Variants in HEPH observed in about 807,000 individuals in gnomAD.
The protein encoded by HEPH is hephaestin.
A neutral mutation model predicts 80.8 loss-of-function variants in HEPH; 69 were observed. The observed-to-expected ratio is 0.85, with a 90% CI of 0.70 to 1.04. The LOEUF (loss-of-function observed/expected upper bound fraction) is 1.04. Ranked by LOEUF, HEPH falls within the 50% of genes least tolerant of loss-of-function variation. The pLI is 0.00. For synonymous variants in HEPH, 431 were observed against 322.8 expected, an observed-to-expected ratio of 1.34 and a Z score of -3.60; for missense variants, 1,115 against 891.3, an observed-to-expected ratio of 1.25 and a Z score of -3.20.
chrX:66,186,984 C>T (rs1199636998), intron 4 of HEPH, among the ~76,000 whole-genome samples: 1 of 110,979 alleles, frequency 9.0e-6, no homozygotes, highest in Non-Finnish European at 1.9e-5. Context: ...TCTTCAGACT[C>T]TGAATTTTTT....
Position 66,214,166 on chromosome X carries a change from G to A in HEPH, c.2563+5920G>A, listed in dbSNP as rs967825348. ...CATCAGCATGTAGATGATATTTAAA[G>A]TGATAATATGGATGAGATCACTCAA... is the stretch of plus-strand genomic sequence containing the variant. On this transcript the variant is annotated intron_variant, in intron 15 of 20. Coordinates refer to ENST00000343002, the MANE Select transcript of HEPH (RefSeq NM_001367233.3). Among the ~76,000 whole-genome samples, 3 of 111,749 alleles carry A rather than the reference G, an allele frequency of 2.7e-5. No homozygotes were observed. The Admixed American group carries it at 2.9e-4, about 11-fold the overall frequency.
At chrX:66,203,262 A>G (rs1203177315) in intron 12 of HEPH, 102 bp from the exon 13 acceptor site, 3 of 647,408 alleles carry the variant, frequency 4.6e-6, no homozygotes, top group Non-Finnish European at 7.2e-6. Context: ...GACTATCTGA[A>G]ACTAACTCTT....
intron 19 of HEPH, among the ~76,000 whole-genome samples, chrX:66,261,805 C>A: frequency 8.9e-6 from 1 of 112,077 alleles, no homozygotes; most frequent in East Asian, 2.8e-4. Context: ...TGCTAGAATG[C>A]AGCTTCCACT....
intron 15 of HEPH, among the ~76,000 whole-genome samples, chrX:66,220,037 C>T (rs980501340): frequency 2.7e-5 from 3 of 111,373 alleles, no homozygotes; most frequent in South Asian, 3.8e-4. Context: ...AAGTCCTTTC[C>T]GACTCTTGCT....
At chrX:66,190,985 T>C (rs2087758527) in intron 6 of HEPH, among the ~76,000 whole-genome samples, 2 of 112,120 alleles carry the variant, frequency 1.8e-5, no homozygotes, top group Non-Finnish European at 3.8e-5. Flanking sequence ...ATAAATCATT[T>C]CACTTCTCTG....
intron 15 of HEPH, among the ~76,000 whole-genome samples, chrX:66,235,515 G>A (rs1238057459): frequency 9.0e-6 from 1 of 111,215 alleles, no homozygotes; most frequent in Non-Finnish European, 1.9e-5. Context: ...GATAGTTGTA[G>A]GTATGTGGCC....
At chrX:66,252,644 C>T (rs1336335588) in intron 15 of HEPH, among the ~76,000 whole-genome samples, 1 of 111,131 alleles carries the variant, frequency 9.0e-6, no homozygotes, top group African/African-American at 3.3e-5. Flanking sequence ...TATGGCATAG[C>T]CAAAACAATG....
chrX:66,213,635 T>C (rs1487123655), intron 15 of HEPH, among the ~76,000 whole-genome samples: 3 of 111,534 alleles, frequency 2.7e-5, no homozygotes, highest in Non-Finnish European at 5.6e-5. Context: ...GTATGCAAAG[T>C]TCATTTGGAA....
At chrX:66,218,629 A>G (rs2089500161) in intron 15 of HEPH, among the ~76,000 whole-genome samples, 1 of 111,700 alleles carries the variant, frequency 9.0e-6, no homozygotes, top group South Asian at 3.8e-4. Context: ...TGAGAGCTTC[A>G]GCAAGACTCA....
intron 4 of HEPH, among the ~76,000 whole-genome samples, chrX:66,180,847 C>A (rs28878541): frequency 4.6e-5 from 3 of 64,853 alleles, no homozygotes; most frequent in African/African-American, 5.9e-5. Context: ...TCCCTCCCCC[C>A]TCCCCCGACC....
intron 9 of HEPH, 90 bp downstream of exon 9, chrX:66,195,319 G>C: frequency 1.3e-6 from 1 of 762,227 alleles, no homozygotes; most frequent in Non-Finnish European, 1.7e-6. Flanking sequence ...AGAGGATGAA[G>C]TAGGCAGAAT....
intron 6 of HEPH, among the ~76,000 whole-genome samples, chrX:66,190,857 A>C (rs187261120): frequency 9.0e-6 from 1 of 111,547 alleles, no homozygotes; most frequent in Non-Finnish European, 1.9e-5. Flanking sequence ...CCTAGGTAAG[A>C]GAGTATAAAT....
At chrX:66,175,924 T>G (rs892691925) in intron 4 of HEPH, among the ~76,000 whole-genome samples, 1 of 111,593 alleles carries the variant, frequency 9.0e-6, no homozygotes, top group Non-Finnish European at 1.9e-5. Context: ...GAGGAGTCTT[T>G]AGGGTTTTCA....
chrX:66,200,241 G>GTGT (rs1555992200), intron 11 of HEPH, among the ~76,000 whole-genome samples: 1 of 91,231 alleles, frequency 1.1e-5, no homozygotes, highest in African/African-American at 4.7e-5. Context: ...AGGAGAGATT[G>GTGT]GTGTGTGTGT....
chrX:66,207,966 C>G, intron 14 of HEPH, 149 bp from the exon 15 acceptor site: 1 of 399,584 alleles, frequency 2.5e-6, no homozygotes, highest in Middle Eastern at 7.1e-4. Flanking sequence ...TAAAATGGAG[C>G]CAGCCATGCC....
rs140633578 is a variant in HEPH, at chrX:66,231,088, G to A, written c.2563+22842G>A. Among the ~76,000 whole-genome samples, 712 of 109,311 alleles carry A rather than the reference G, an allele frequency of 6.5e-3. 8 individuals are homozygous for A. Among genetic ancestry groups the A allele is most frequent in the African/African-American group, 0.022 (670 of 29,970 alleles). The allele number at this position is 109,311 out of a possible 115,157, so 94.9% of individuals were successfully genotyped here. On this transcript the variant is annotated intron_variant, in intron 15 of 20. Transcript: ENST00000343002. ...GTTTGTCAAAGATCAGATAGTTGTA[G>A]GTATGCGGCGTCATTTCTGAGGGCT... is the stretch of plus-strand genomic sequence containing the variant.
chrX:66,260,020 C>T (rs1054337256), intron 18 of HEPH, 80 bp from the exon 19 acceptor site: 3 of 905,194 alleles, frequency 3.3e-6, no homozygotes, highest in Admixed American at 4.6e-5. Flanking sequence ...GTGGACATCA[C>T]AATTTTTTGG....
At chrX:66,258,728 T>C (rs1450889839) in intron 17 of HEPH, 112 bp from the exon 18 acceptor site, 2 of 536,530 alleles carry the variant, frequency 3.7e-6, no homozygotes, top group East Asian at 4.1e-5. Flanking sequence ...AGAAGCCCAT[T>C]GCTATCTTCG....
At chrX:66,203,223 T>C (rs2088565181) in intron 12 of HEPH, 141 bp from the exon 13 acceptor site, 3 of 472,448 alleles carry the variant, frequency 6.3e-6, no homozygotes, top group Admixed American at 3.9e-5. Context: ...CTTTTATCTA[T>C]GTGTAGTTAA....
Sources: allele counts gnomAD v4.1 joint callset (sites outside exome capture counted in the v4.1 genomes callset), GRCh38; gene constraint gnomAD v4.1.1; transcripts MANE v1.5; gene names NCBI Gene and HGNC (gene_info 2026-07-23, HGNC 2026-07-21).